The following SHISA5 variants were observed in gnomAD, a reference collection of about 807,000 sequenced individuals.
SHISA5 encodes protein shisa-5.
SHISA5 carries 21 observed loss-of-function variants against 27.5 expected under a neutral mutation model. That is an observed-to-expected ratio of 0.76 (90% CI 0.54 to 1.10). The LOEUF (loss-of-function observed/expected upper bound fraction) is 1.10, where lower values mean the gene tolerates loss of function less well. SHISA5 is among the 50% of genes least tolerant of loss of function. The pLI, the probability that SHISA5 is intolerant of heterozygous loss-of-function variation, is 0.00. For synonymous variants in SHISA5, 137 were observed against 142.2 expected, an observed-to-expected ratio of 0.96 and a Z score of 0.26; for missense variants, 314 against 336.3, an observed-to-expected ratio of 0.93 and a Z score of 0.52.
At chr3:48,476,107 C>T (rs979757139) in intron 3 of SHISA5, among the ~76,000 whole-genome samples, 1 of 152,114 alleles carries the variant, frequency 6.6e-6, no homozygotes, top group South Asian at 2.1e-4. Context: ...TTTTGGGAGG[C>T]TGAGGCGGGC....
intron 2 of SHISA5, 45 bp downstream of exon 2, chr3:48,501,092 G>C (rs764491843): frequency 1.3e-6 from 2 of 1,560,540 alleles, no homozygotes; most frequent in Admixed American, 3.8e-5. Flanking sequence ...CTCCTGTGGG[G>C]CACAGGCTCA....
chr3:48,486,299 ATATATTATATAATATATAATACAT>A (rs1450363017), intron 2 of SHISA5, among the ~76,000 whole-genome samples: 2 of 96,072 alleles, frequency 2.1e-5, no homozygotes, highest in Non-Finnish European at 3.6e-5. Flanking sequence ...ATTATATATT[ATATATTATATAATATATAATACAT>A]TATGTTATAT....
chr3:48,500,426 A>G (rs2107388811), intron 2 of SHISA5, among the ~76,000 whole-genome samples: 1 of 152,270 alleles, frequency 6.6e-6, no homozygotes. Flanking sequence ...GTATGAGACC[A>G]GCCTGGGCAA....
chr3:48,471,308 G>T (rs1309178911), intron 3 of SHISA5, among the ~76,000 whole-genome samples: 3 of 152,116 alleles, frequency 2.0e-5, no homozygotes, highest in African/African-American at 7.2e-5. Context: ...CGTGGCCAGG[G>T]TGCGGTGGCT....
chr3:48,498,872 G>A (rs1043967068), intron 2 of SHISA5, among the ~76,000 whole-genome samples: 18 of 149,820 alleles, frequency 1.2e-4, no homozygotes, highest in Admixed American at 3.3e-4. Context: ...ACCTGAGGTC[G>A]GGAGTTCAAG....
chr3:48,480,326 T>C (rs1403823366), intron 2 of SHISA5, among the ~76,000 whole-genome samples: 6 of 150,710 alleles, frequency 4.0e-5, no homozygotes. Flanking sequence ...TCTTGATTTG[T>C]ATTGTGTTAA....
intron 2 of SHISA5, among the ~76,000 whole-genome samples, chr3:48,488,758 G>A (rs1429389663): frequency 4.7e-5 from 7 of 149,792 alleles, no homozygotes; most frequent in South Asian, 2.1e-4. Context: ...ACTTGAACCC[G>A]GGAGGTGGAG....
At chr3:48,476,859 G>C in intron 3 of SHISA5, 1 of 286,196 alleles carries the variant, frequency 3.5e-6, no homozygotes, top group Non-Finnish European at 7.0e-6. Context: ...CCTGGGGCAG[G>C]AGGCAGCAGG....
intron 3 of SHISA5, among the ~76,000 whole-genome samples, chr3:48,474,202 C>T (rs2040740433): frequency 6.6e-6 from 1 of 151,828 alleles, no homozygotes; most frequent in Non-Finnish European, 1.5e-5. Flanking sequence ...ATCCTCCCAC[C>T]TCAGTCCCCC....
Position 48,468,049 on chromosome 3 carries a change from T to C in SHISA5, c.*1058A>G. 1 of 680,368 alleles carries C rather than the reference T, an allele frequency of 1.5e-6. No individual in the cohort carries two copies. The highest frequency in any genetic ancestry group is 1.9e-6 in the Non-Finnish European group (1 of 540,142). The allele number at this position is 680,368 out of a possible 1,614,324, so 42.1% of individuals were successfully genotyped here. Reference sequence around the variant, plus strand: ...CCCCACACCCCACCTTTGGTCCAGATGGCCCATTGGCCCAGGTGTCCCTGC... The same window carrying C: ...CCCCACACCCCACCTTTGGTCCAGACGGCCCATTGGCCCAGGTGTCCCTGC... On this transcript the variant is annotated 3_prime_UTR_variant, in exon 6 of 6. Coordinates refer to ENST00000296444, the MANE Select transcript of SHISA5 (RefSeq NM_016479.6).
At chr3:48,485,449 C>G (rs1038896288) in intron 2 of SHISA5, among the ~76,000 whole-genome samples, 1 of 149,590 alleles carries the variant, frequency 6.7e-6, no homozygotes, top group African/African-American at 2.5e-5. Context: ...GAGCCAAGAT[C>G]GTGCCATTGC....
intron 2 of SHISA5, among the ~76,000 whole-genome samples, chr3:48,500,586 C>T (rs921556202): frequency 6.6e-6 from 1 of 152,104 alleles, no homozygotes; most frequent in African/African-American, 2.4e-5. Context: ...ATACAGAATA[C>T]GGCAAAGAGC....
intron 3 of SHISA5, among the ~76,000 whole-genome samples, chr3:48,477,658 A>G (rs971479500): frequency 2.0e-5 from 3 of 152,152 alleles, no homozygotes; most frequent in African/African-American, 7.2e-5. Flanking sequence ...CTGCTCTTCA[A>G]TCTGCTCCAC....
intron 2 of SHISA5, among the ~76,000 whole-genome samples, chr3:48,500,119 C>A (rs1445384466): frequency 1.3e-5 from 2 of 152,140 alleles, no homozygotes; most frequent in Non-Finnish European, 2.9e-5. Context: ...AGCTATCTAT[C>A]ATGACAACCA....
At chr3:48,486,179 C>T (rs2041213550) in intron 2 of SHISA5, among the ~76,000 whole-genome samples, 1 of 118,290 alleles carries the variant, frequency 8.5e-6, no homozygotes, top group Non-Finnish European at 1.7e-5. Flanking sequence ...ACTAGGAGAC[C>T]AGACAGTATG....
At chr3:48,472,450 C>G (rs778040671) in intron 3 of SHISA5, among the ~76,000 whole-genome samples, 1 of 151,526 alleles carries the variant, frequency 6.6e-6, no homozygotes, top group Non-Finnish European at 1.5e-5. Flanking sequence ...GAGCAGAGAT[C>G]GCGCCACTGC....
At position 48,473,430 on chromosome 3, in the gene SHISA5, C is replaced by T; in HGVS notation, c.315-3587G>A. ...ACCCCCACCCCCACTTCCACCTAAC[C>T]CACCGGCCCTGTTCCACCAGCCTCC... On this transcript the variant is annotated intron_variant, in intron 3 of 5. Transcript: ENST00000296444. This position sits in a 1 kb window ranked among gnomAD's most constrained non-coding sequence, Gnocchi z 4.3. The T allele has an allele frequency of 7.7e-7, 1 of 1,302,758 alleles. No individual in the cohort carries two copies. The highest frequency in any genetic ancestry group is 1.0e-6 in the Non-Finnish European group (1 of 997,848). 80.7% of individuals were successfully genotyped at this position (1,302,758 alleles called of 1,614,324 possible). A position where few individuals can be genotyped will look rare whatever the true frequency, so the allele number is the denominator to read the frequency against.
chr3:48,478,822 A>C (rs938941782), intron 3 of SHISA5, among the ~76,000 whole-genome samples: 3 of 151,036 alleles, frequency 2.0e-5, no homozygotes, highest in African/African-American at 7.3e-5. Flanking sequence ...ACCCGCCCCC[A>C]TCTACCATCA....
chr3:48,482,121 G>T lies in SHISA5; in HGVS notation c.234-2864C>A, dbSNP rs959748514. On this transcript the variant is annotated intron_variant, in intron 2 of 5. Transcript: ENST00000296444. ...CTCAAAAAAAAAAAAAAAAGTAATGGAAAACCCAAAAAACAAGGAAGAAAT... is the reference window on the plus strand; with the variant it reads ...CTCAAAAAAAAAAAAAAAAGTAATGTAAAACCCAAAAAACAAGGAAGAAAT... Among the ~76,000 whole-genome samples the T allele has an allele frequency of 8.7e-5, 13 of 148,584 alleles. No individual in the cohort carries two copies. The Admixed American group carries it at 8.8e-4, about 10-fold the overall frequency.
Sources: gnomAD v4.1 joint callset for allele counts (sites outside exome capture counted in the v4.1 genomes callset) on GRCh38, gnomAD v4.1.1 for gene constraint, Gnocchi (gnomAD v3.1) non-coding constraint, MANE v1.5 for transcripts, NCBI Gene and HGNC (gene_info 2026-07-23, HGNC 2026-07-21) for gene names.